The following NOVA1 variants were observed in gnomAD, a reference collection of about 807,000 sequenced individuals.
NOVA1 encodes NOVA alternative splicing regulator 1.
A neutral mutation model predicts 38.0 loss-of-function variants in NOVA1; 7 were observed. The observed-to-expected ratio is 0.18, with a 90% CI of 0.10 to 0.35. The LOEUF is 0.35. Ranked by LOEUF, NOVA1 falls within the 10% of genes least tolerant of loss-of-function variation. The pLI is 1.00. For missense variants in NOVA1, 460 were observed against 616.0 expected, an observed-to-expected ratio of 0.75 and a Z score of 2.68; for synonymous variants, 270 against 232.5, an observed-to-expected ratio of 1.16 and a Z score of -1.47.
At chr14:26,491,101 C>T (rs535020264) in intron 2 of NOVA1, among the ~76,000 whole-genome samples, 5 of 152,162 alleles carry the variant, frequency 3.3e-5, no homozygotes, top group Non-Finnish European at 5.9e-5. Flanking sequence ...CCGCCTGCCT[C>T]GGCCTCCCAA....
At chr14:26,597,188 G>T in intron 1 of NOVA1, 113 bp downstream of exon 1, 3 of 1,147,398 alleles carry the variant, frequency 2.6e-6, no homozygotes, top group Non-Finnish European at 3.3e-6. Context: ...CGGGCTGGAG[G>T]TGTCCGGGCC....
chr14:26,470,971 T>C (rs531634933), intron 4 of NOVA1, among the ~76,000 whole-genome samples: 5 of 152,110 alleles, frequency 3.3e-5, no homozygotes, highest in Non-Finnish European at 4.4e-5. Flanking sequence ...ACAAGGTATG[T>C]AGAGTAAAAA....
chr14:26,498,002 T>C (rs1886943951), intron 2 of NOVA1, among the ~76,000 whole-genome samples: 1 of 152,222 alleles, frequency 6.6e-6, no homozygotes, highest in South Asian at 2.1e-4. Context: ...ATCATGACTT[T>C]TTAATGTAGA....
chr14:26,565,013 ACT>A (rs1232382399), intron 2 of NOVA1, among the ~76,000 whole-genome samples: 13 of 152,152 alleles, frequency 8.5e-5, no homozygotes, highest in African/African-American at 3.1e-4. Flanking sequence ...AGCAGTAATG[ACT>A]CTGTGTGGGA....
chr14:26,591,432 T>A (rs1001018988), intron 2 of NOVA1, among the ~76,000 whole-genome samples: 5 of 151,684 alleles, frequency 3.3e-5, no homozygotes, highest in Non-Finnish European at 7.4e-5. Flanking sequence ...ACCATTTTAT[T>A]TTCTGTACTT....
At chr14:26,452,045 C>T (rs1045436186) in intron 4 of NOVA1, among the ~76,000 whole-genome samples, 3 of 151,938 alleles carry the variant, frequency 2.0e-5, no homozygotes, top group Admixed American at 6.6e-5. Context: ...TGTAAGACTA[C>T]CAAATTTAGA....
At chr14:26,548,977 C>T (rs893759731) in intron 2 of NOVA1, among the ~76,000 whole-genome samples, 1 of 151,852 alleles carries the variant, frequency 6.6e-6, no homozygotes, top group Admixed American at 6.6e-5. Flanking sequence ...AAAAACTAGC[C>T]AGTTGTGGTA....
chr14:26,549,846 G>A (rs1248212431), intron 2 of NOVA1: 3 of 694,426 alleles, frequency 4.3e-6, no homozygotes, highest in South Asian at 1.5e-5. Flanking sequence ...CAATTCGGTG[G>A]TGGGTGAAGT....
At chr14:26,523,761 T>C (rs1261932339) in intron 2 of NOVA1, among the ~76,000 whole-genome samples, 5 of 148,252 alleles carry the variant, frequency 3.4e-5, no homozygotes, top group African/African-American at 1.3e-4. Context: ...TTTTTTTTTT[T>C]TTTTTTTGAG....
chr14:26,581,584 T>C (rs1893227271), intron 2 of NOVA1, among the ~76,000 whole-genome samples: 1 of 151,980 alleles, frequency 6.6e-6, no homozygotes, highest in Non-Finnish European at 1.5e-5. Context: ...TCTGGTCAGC[T>C]GAAAAAATAA....
intron 2 of NOVA1, among the ~76,000 whole-genome samples, chr14:26,514,763 C>A (rs1235456975): frequency 6.6e-6 from 1 of 151,724 alleles, no homozygotes; most frequent in African/African-American, 2.4e-5. Flanking sequence ...TTCAAATGAG[C>A]TTTTACTGAT....
At chr14:26,576,364 A>C (rs1262038660) in intron 2 of NOVA1, among the ~76,000 whole-genome samples, 2 of 151,536 alleles carry the variant, frequency 1.3e-5, no homozygotes, top group African/African-American at 2.4e-5. Context: ...AATGATTATA[A>C]ATGAACTCTA....
chr14:26,511,161 G>A (rs191826173), intron 2 of NOVA1, among the ~76,000 whole-genome samples: 2 of 152,024 alleles, frequency 1.3e-5, no homozygotes, highest in Non-Finnish European at 2.9e-5. Context: ...TCTTTTTAAG[G>A]TTCACTTTTA....
rs766638497 is a variant in NOVA1, at chr14:26,448,477, G to T, written c.1006C>A (p.Leu336Ile). 1 of 1,613,774 alleles carries T rather than the reference G, an allele frequency of 6.2e-7. No individual in the cohort carries two copies. Among genetic ancestry groups the T allele is most frequent in the South Asian group, 1.1e-5 (1 of 91,074 alleles). Residue 336 changes from leucine to isoleucine, a missense_variant, in exon 5 of 5, where the codon CTC becomes ATC. By Grantham distance (5) the Leu-to-Ile change is conservative. Transcript: ENST00000539517. The surrounding 1 kb of genome is among the most constrained non-coding windows in gnomAD (Gnocchi z 5.3). Reference sequence around the variant, plus strand: ...GCCCCTGTTGCTGCTGCTTGACTGAGACCTAAACCTAAAGTGTTGAGATTA... The same window carrying T: ...GCCCCTGTTGCTGCTGCTTGACTGATACCTAAACCTAAAGTGTTGAGATTA... ...GYNLNTLGLG[L>I]SQAAATGALA...
intron 2 of NOVA1, among the ~76,000 whole-genome samples, chr14:26,570,423 C>T (rs780008248): frequency 6.6e-6 from 1 of 151,710 alleles, no homozygotes; most frequent in Non-Finnish European, 1.5e-5. Flanking sequence ...AGTAATCCAT[C>T]CTCAACTGCT....
At chr14:26,596,228 T>A (rs1894178478) in intron 1 of NOVA1, among the ~76,000 whole-genome samples, 1 of 152,222 alleles carries the variant, frequency 6.6e-6, no homozygotes, top group Non-Finnish European at 1.5e-5. Context: ...TTTAAGCTCA[T>A]TAATTAAAGG....
chr14:26,557,556 G>A (rs931888570), intron 2 of NOVA1, among the ~76,000 whole-genome samples: 3 of 145,088 alleles, frequency 2.1e-5, no homozygotes, highest in Non-Finnish European at 4.5e-5. Flanking sequence ...TATTTTCTGT[G>A]GAGACGGGGT....
intron 2 of NOVA1, among the ~76,000 whole-genome samples, chr14:26,583,907 A>ACG (rs1238965940): frequency 6.6e-6 from 1 of 151,074 alleles, no homozygotes; most frequent in African/African-American, 2.4e-5. Flanking sequence ...ACACACACAC[A>ACG]CACACACACA....
chr14:26,570,028 G>A (rs963231797), intron 2 of NOVA1, among the ~76,000 whole-genome samples: 9 of 152,064 alleles, frequency 5.9e-5, no homozygotes, highest in African/African-American at 2.2e-4. Flanking sequence ...TTAATAGAAG[G>A]AAACCATCTG....
Sources: gnomAD v4.1 joint callset for allele counts (sites outside exome capture counted in the v4.1 genomes callset) on GRCh38, gnomAD v4.1.1 for gene constraint, Gnocchi (gnomAD v3.1) non-coding constraint, MANE v1.5 for transcripts, NCBI Gene and HGNC (gene_info 2026-07-23, HGNC 2026-07-21) for gene names.